Variants in LAMA2 observed in about 807,000 individuals in gnomAD.
LAMA2 encodes laminin subunit alpha-2.
In LAMA2, 269 loss-of-function variants were observed where a neutral mutation model predicts 364.8. The ratio of observed to expected loss-of-function variants is 0.74; its 90% CI spans 0.67 to 0.82. The LOEUF (loss-of-function observed/expected upper bound fraction) is 0.82, where lower values mean the gene tolerates loss of function less well. Ranked by LOEUF, LAMA2 falls within the 40% of genes least tolerant of loss-of-function variation. The probability of loss-of-function intolerance (pLI) is 0.00; values close to 1 mark genes in which losing one functional copy is unlikely to be tolerated. For synonymous variants in LAMA2, 1,379 were observed against 1,370.6 expected (o/e 1.01, Z -0.14); for missense variants, 3,807 against 3,873.2 (o/e 0.98, Z 0.45).
chr6:129,308,970 C>A (rs1393341672), intron 22 of LAMA2, among the ~76,000 whole-genome samples: 1 of 152,218 alleles, frequency 6.6e-6, no homozygotes, highest in Non-Finnish European at 1.5e-5. Flanking sequence ...ACACCTCCCA[C>A]CAGGCTCCAC....
Position 129,241,570 on chromosome 6 carries a change from G to A in LAMA2, c.1783-8542G>A, listed in dbSNP as rs1483001512. ...CTCATTTTAGTGAAAATTCACTGAT[G>A]CTCTGAAAGCAAAATTAACTTTCCC... On this transcript the variant is annotated intron_variant, in intron 12 of 64. Coordinates refer to ENST00000421865, the MANE Select transcript of LAMA2 (RefSeq NM_000426.4). 3.3e-5 allele frequency among the ~76,000 whole-genome samples: 5 copies of A among 152,162 alleles called. 1 individual carries two copies. Among genetic ancestry groups the A allele is most frequent in the African/African-American group, 9.7e-5 (4 of 41,436 alleles).
chr6:129,021,124 GT>G (rs1277638802), intron 1 of LAMA2, among the ~76,000 whole-genome samples: 1 of 152,110 alleles, frequency 6.6e-6, no homozygotes, highest in African/African-American at 2.4e-5. Flanking sequence ...TCATTTTGAT[GT>G]TTAGTAGGCT....
At chr6:128,925,220 T>A (rs954489048) in intron 1 of LAMA2, among the ~76,000 whole-genome samples, 1 of 152,226 alleles carries the variant, frequency 6.6e-6, no homozygotes, top group Non-Finnish European at 1.5e-5. Flanking sequence ...TACATCTCTG[T>A]CATAGTAGCA....
At chr6:129,480,311 CT>C (rs1384712020) in intron 54 of LAMA2, among the ~76,000 whole-genome samples, 1 of 152,112 alleles carries the variant, frequency 6.6e-6, no homozygotes, top group African/African-American at 2.4e-5. Context: ...AAATCTAGGA[CT>C]TTAAAAATGA....
chr6:129,515,097 C>T (rs1192459338), intron 64 of LAMA2, among the ~76,000 whole-genome samples: 2 of 152,146 alleles, frequency 1.3e-5, no homozygotes, highest in Non-Finnish European at 2.9e-5. Flanking sequence ...GAATCCTTCT[C>T]TAGCACATTA....
intron 4 of LAMA2, among the ~76,000 whole-genome samples, chr6:129,139,236 T>A (rs1229534291): frequency 2.0e-5 from 3 of 152,072 alleles, no homozygotes; most frequent in Non-Finnish European, 4.4e-5. Context: ...GTTGCATTGT[T>A]CCCTTTCCTT....
chr6:129,507,708 A>C, intron 62 of LAMA2, 66 bp downstream of exon 62: 2 of 1,500,916 alleles, frequency 1.3e-6, no homozygotes, highest in South Asian at 2.3e-5. Context: ...TCTTGCTAGT[A>C]CCAAATAATA....
At chr6:129,383,493 A>G (rs999020758) in intron 35 of LAMA2, among the ~76,000 whole-genome samples, 3 of 152,244 alleles carry the variant, frequency 2.0e-5, no homozygotes, top group Non-Finnish European at 4.4e-5. Context: ...GGCTATTATA[A>G]TTACATAAGA....
intron 21 of LAMA2, among the ~76,000 whole-genome samples, chr6:129,298,906 G>A (rs1773374885): frequency 2.0e-5 from 3 of 151,966 alleles, no homozygotes. Flanking sequence ...ATATCTCTAA[G>A]CCAATATCTG....
At chr6:129,247,044 T>G (rs1266829814) in intron 12 of LAMA2, among the ~76,000 whole-genome samples, 1 of 152,034 alleles carries the variant, frequency 6.6e-6, no homozygotes, top group Admixed American at 6.6e-5. Flanking sequence ...TATGGAAAGA[T>G]TGTGGAGTTG....
chr6:129,023,449 A>G (rs1282667489), intron 1 of LAMA2, among the ~76,000 whole-genome samples: 1 of 152,088 alleles, frequency 6.6e-6, no homozygotes, highest in African/African-American at 2.4e-5. Context: ...ACTTGCAAAC[A>G]CTTCCATGGT....
chr6:129,289,521 C>A (rs1023360526), intron 19 of LAMA2, among the ~76,000 whole-genome samples: 9 of 152,132 alleles, frequency 5.9e-5, no homozygotes, highest in African/African-American at 1.7e-4. Flanking sequence ...CCAGTGAATT[C>A]TAAGGCTAAG....
At position 129,401,239 on chromosome 6, in the gene LAMA2, G is replaced by T; in HGVS notation, c.5461G>T (p.Val1821Phe). ...TGGTCTACAGAAAAAGAAGGAGGCT[G>T]TTGAAAGCGGCAAACGACAAATTGA... ...MTALEKKKEA[V>F]ESGKRQIENT... is the part of the protein sequence containing the mutation. The change falls in exon 38 of 65, where the codon GTT becomes TTT. Residue 1821 changes from valine to phenylalanine, a missense_variant. Val to Phe is a conservative substitution (Grantham distance 50, BLOSUM62 -1). Coordinates refer to ENST00000421865, the MANE Select transcript of LAMA2 (RefSeq NM_000426.4). 6.2e-7 allele frequency: 1 copy of T among 1,601,584 alleles called. No individual in the cohort carries two copies. Among genetic ancestry groups the T allele is most frequent in the South Asian group, 1.1e-5 (1 of 90,738 alleles).
chr6:129,101,187 T>C (rs145844234), intron 4 of LAMA2, among the ~76,000 whole-genome samples: 1 of 152,258 alleles, frequency 6.6e-6, no homozygotes, highest in African/African-American at 2.4e-5. Context: ...CAGAGAGCAA[T>C]AAATCTCCCC....
At position 128,983,082 on chromosome 6, in the gene LAMA2, T is replaced by C. The variant is rs558484081; in HGVS notation, c.113-66836T>C. ...GTGCCGCAATAAACATACGTGTGCATGTGTCTTTATAGCAGCATGATTTAT... is the reference window on the plus strand; with the variant it reads ...GTGCCGCAATAAACATACGTGTGCACGTGTCTTTATAGCAGCATGATTTAT... On this transcript the variant is annotated intron_variant, in intron 1 of 64. Transcript: ENST00000421865. 6.1e-3 allele frequency among the ~76,000 whole-genome samples: 932 copies of C among 151,990 alleles called. 5 individuals are homozygous for C. The highest frequency in any genetic ancestry group is 0.021 in the African/African-American group (887 of 41,334).
At chr6:128,945,685 C>A (rs1035737686) in intron 1 of LAMA2, among the ~76,000 whole-genome samples, 1 of 152,164 alleles carries the variant, frequency 6.6e-6, no homozygotes, top group Admixed American at 6.5e-5. Flanking sequence ...TTTGTGTATA[C>A]ACATTTCCTA....
At chr6:128,901,605 T>G (rs540788004) in intron 1 of LAMA2, among the ~76,000 whole-genome samples, 1 of 152,338 alleles carries the variant, frequency 6.6e-6, no homozygotes, top group Non-Finnish European at 1.5e-5. Context: ...AAAAGGAAGC[T>G]AATTAAGACC....
chr6:129,210,841 CG>C (rs1783052521), intron 12 of LAMA2, among the ~76,000 whole-genome samples: 1 of 152,028 alleles, frequency 6.6e-6, no homozygotes, highest in Non-Finnish European at 1.5e-5. Flanking sequence ...ATGCCGGTTA[CG>C]GTGGGCAACA....
chr6:129,351,912 G>A (rs1467553170), intron 31 of LAMA2, among the ~76,000 whole-genome samples: 1 of 152,118 alleles, frequency 6.6e-6, no homozygotes, highest in Non-Finnish European at 1.5e-5. Context: ...TTTTCTTCAT[G>A]TTTTGCCTTT....
Sources: allele counts gnomAD v4.1 joint callset (sites outside exome capture counted in the v4.1 genomes callset), GRCh38; gene constraint gnomAD v4.1.1; transcripts MANE v1.5; gene names NCBI Gene and HGNC (gene_info 2026-07-23, HGNC 2026-07-21).